Variants in WDPCP observed in about 807,000 individuals in gnomAD.
WDPCP encodes the protein WD repeat-containing and planar cell polarity effector protein fritz homolog.
Under a neutral mutation model 93.1 loss-of-function variants are expected in WDPCP, and 71 were observed. The ratio of observed to expected loss-of-function variants is 0.76; its 90% CI spans 0.63 to 0.93. WDPCP has a LOEUF of 0.93. Ranked by LOEUF, WDPCP falls within the 40% of genes least tolerant of loss-of-function variation. The pLI is 0.00. For missense variants in WDPCP, 844 were observed against 887.4 expected, an observed-to-expected ratio of 0.95 and a Z score of 0.62; for synonymous variants, 315 against 315.0, an observed-to-expected ratio of 1.00 and a Z score of 0.00.
At chr2:63,374,513 C>T (rs1691681116) in intron 12 of WDPCP, among the ~76,000 whole-genome samples, 1 of 152,036 alleles carries the variant, frequency 6.6e-6, no homozygotes, top group Non-Finnish European at 1.5e-5. Flanking sequence ...TGATTTCATA[C>T]AAATGTTGTA....
chr2:63,703,369 C>G (rs183452799), intron 2 of WDPCP, among the ~76,000 whole-genome samples: 3,874 of 152,196 alleles, frequency 0.025, 152 homozygotes, highest in Admixed American at 0.089. Flanking sequence ...TTCTCCACAT[C>G]CTCTCCAGCA....
intron 2 of WDPCP, among the ~76,000 whole-genome samples, chr2:63,763,481 A>C (rs1279118374): frequency 6.6e-6 from 1 of 151,660 alleles, no homozygotes; most frequent in Non-Finnish European, 1.5e-5. Flanking sequence ...CACCCTGGGC[A>C]ACAGAACAAG....
chr2:63,335,030 T>C (rs968459612), intron 12 of WDPCP, among the ~76,000 whole-genome samples: 1 of 152,174 alleles, frequency 6.6e-6, no homozygotes. Flanking sequence ...GACAAATGCA[T>C]ATCTGATTGC....
At chr2:63,692,370 CTT>C (rs1668901949) in intron 2 of WDPCP, among the ~76,000 whole-genome samples, 1 of 152,046 alleles carries the variant, frequency 6.6e-6, no homozygotes, top group South Asian at 2.1e-4. Flanking sequence ...GTTAAATTAA[CTT>C]AGGCAAGTTA....
intron 6 of WDPCP, among the ~76,000 whole-genome samples, chr2:63,480,167 T>C (rs1180372586): frequency 6.6e-6 from 1 of 151,898 alleles, no homozygotes; most frequent in Non-Finnish European, 1.5e-5. Flanking sequence ...TATTTAGATA[T>C]ATACCTAACC....
chr2:63,406,119 T>G (rs1379610300), intron 9 of WDPCP, among the ~76,000 whole-genome samples: 1 of 152,006 alleles, frequency 6.6e-6, no homozygotes, highest in Non-Finnish European at 1.5e-5. Context: ...CATAGAGCTG[T>G]GTGGCAGAGT....
At chr2:63,353,544 CT>C (rs1375051239) in intron 12 of WDPCP, among the ~76,000 whole-genome samples, 1 of 152,154 alleles carries the variant, frequency 6.6e-6, no homozygotes, top group Non-Finnish European at 1.5e-5. Context: ...TCCAGTCAGG[CT>C]TTGGAGAGTC....
intron 1 of WDPCP, among the ~76,000 whole-genome samples, chr2:63,819,942 A>G (rs1037017124): frequency 6.6e-6 from 1 of 152,136 alleles, no homozygotes; most frequent in East Asian, 1.9e-4. Context: ...TCTCAGAAGC[A>G]TGGATTACTT....
chr2:63,565,746 G>A (rs1176397741), intron 1 of WDPCP, among the ~76,000 whole-genome samples: 1 of 152,176 alleles, frequency 6.6e-6, no homozygotes, highest in East Asian at 1.9e-4. Context: ...TATAACTAAA[G>A]AGAAAAGTTG....
chr2:63,457,545 A>G (rs1401839232), intron 6 of WDPCP, among the ~76,000 whole-genome samples: 1 of 152,222 alleles, frequency 6.6e-6, no homozygotes, highest in East Asian at 1.9e-4. Context: ...AAATAGATGC[A>G]AAAATCGTCA....
chr2:63,363,426 T>C (rs1031947843), intron 12 of WDPCP, among the ~76,000 whole-genome samples: 3 of 152,006 alleles, frequency 2.0e-5, no homozygotes, highest in African/African-American at 7.2e-5. Context: ...GGTGAAACCC[T>C]ATCTCTACAA....
intron 14 of WDPCP, among the ~76,000 whole-genome samples, chr2:63,182,646 A>C (rs1674332910): frequency 6.6e-6 from 1 of 151,898 alleles, no homozygotes; most frequent in East Asian, 1.9e-4. Flanking sequence ...TCAGAATAAT[A>C]CTGGCTCTGT....
chr2:63,674,126 T>A (rs1373931394), intron 2 of WDPCP, among the ~76,000 whole-genome samples: 1 of 152,214 alleles, frequency 6.6e-6, no homozygotes, highest in African/African-American at 2.4e-5. Context: ...CAAGGCCACA[T>A]TGGTCTGGGG....
intron 14 of WDPCP, among the ~76,000 whole-genome samples, chr2:63,210,797 C>A (rs1180947631): frequency 6.6e-6 from 1 of 152,214 alleles, no homozygotes; most frequent in Non-Finnish European, 1.5e-5. Context: ...AATGGCACAC[C>A]AGGAGATTAT....
At chr2:63,722,114 C>T (rs1360161589) in intron 2 of WDPCP, among the ~76,000 whole-genome samples, 1 of 152,176 alleles carries the variant, frequency 6.6e-6, no homozygotes, top group East Asian at 1.9e-4. Flanking sequence ...CTTGGCCTCC[C>T]AAAGTGCCGA....
At chr2:63,557,330 T>G (rs187043550) in intron 1 of WDPCP, among the ~76,000 whole-genome samples, 434 of 151,540 alleles carry the variant, frequency 2.9e-3, no homozygotes, top group African/African-American at 0.01. Flanking sequence ...ACCAAGCAAA[T>G]GGAAAGCAAA....
the WDPCP span, among the ~76,000 whole-genome samples, chr2:63,836,143 T>C: frequency 1.3e-5 from 2 of 152,168 alleles, no homozygotes; most frequent in Non-Finnish European, 2.9e-5. Context: ...CTGTGAGCCA[T>C]TGCACCCAGC....
At chr2:63,662,259 C>G (rs1172901068) in intron 2 of WDPCP, among the ~76,000 whole-genome samples, 1 of 152,098 alleles carries the variant, frequency 6.6e-6, no homozygotes, top group Admixed American at 6.6e-5. Flanking sequence ...CAAACAGCTA[C>G]CTCTCTGAAC....
intron 6 of WDPCP, among the ~76,000 whole-genome samples, chr2:63,472,051 A>T (rs775458432): frequency 4.6e-5 from 7 of 152,138 alleles, no homozygotes; most frequent in Non-Finnish European, 1.0e-4. Flanking sequence ...TATAGGCTAA[A>T]AATCACTTTC....
Sources: allele counts gnomAD v4.1 joint callset (sites outside exome capture counted in the v4.1 genomes callset), GRCh38; gene constraint gnomAD v4.1.1; transcripts MANE v1.5; gene names NCBI Gene and HGNC (gene_info 2026-07-23, HGNC 2026-07-21).